ADCY9: variants seen among roughly 807,000 people sequenced by gnomAD.
ADCY9 encodes the protein adenylate cyclase type 9.
A neutral mutation model predicts 101.5 loss-of-function variants in ADCY9; 50 were observed. The ratio of observed to expected loss-of-function variants is 0.49; its 90% CI spans 0.39 to 0.62. The LOEUF (loss-of-function observed/expected upper bound fraction) is 0.62, where lower values mean the gene tolerates loss of function less well. Among genes scored for constraint, ADCY9 ranks in the 20% least tolerant of loss-of-function variants. The pLI is 0.00. For synonymous variants in ADCY9, 905 were observed against 769.3 expected (o/e 1.18, Z -2.92); for missense variants, 1,662 against 1,800.4 (o/e 0.92, Z 1.39).
At chr16:3,985,296 C>T (rs1012510050) in intron 6 of ADCY9, among the ~76,000 whole-genome samples, 14 of 152,094 alleles carry the variant, frequency 9.2e-5, no homozygotes, top group East Asian at 1.9e-4. Flanking sequence ...CCCGCCACCA[C>T]GCCCAGCTAA....
intron 3 of ADCY9, among the ~76,000 whole-genome samples, chr16:4,001,212 C>T (rs1453785025): frequency 6.6e-6 from 1 of 152,162 alleles, no homozygotes; most frequent in African/African-American, 2.4e-5. Flanking sequence ...CTGTTCGGGT[C>T]TCCTCTAGGT....
chr16:4,060,907 G>C (rs78106046), intron 2 of ADCY9, among the ~76,000 whole-genome samples: 4,749 of 152,162 alleles, frequency 0.031, 221 homozygotes, highest in African/African-American at 0.1. Context: ...ACTTAACAAA[G>C]ATTTCAAAGT....
intron 2 of ADCY9, among the ~76,000 whole-genome samples, chr16:4,009,653 C>T (rs1156868857): frequency 2.6e-5 from 4 of 152,194 alleles, no homozygotes; most frequent in Admixed American, 2.6e-4. Context: ...GGATCAATCA[C>T]GACTGTAACA....
At chr16:4,079,693 G>A (rs749348569) in intron 2 of ADCY9, among the ~76,000 whole-genome samples, 10 of 152,050 alleles carry the variant, frequency 6.6e-5, no homozygotes, top group Admixed American at 2.6e-4. Flanking sequence ...GGTGTTTAAT[G>A]GTGTTAATGG....
At position 4,114,010 on chromosome 16, in the gene ADCY9, T is replaced by C. The variant is rs1052960850; in HGVS notation, c.1433A>G (p.Gln478Arg). ...GMIKAIEQFC[Q>R]EKKEMVNMRV... ...CATGTTCACCATCTCCTTCTTCTCC[T>C]GGCAGAACTGCTCGATGGCCTTGAT... Residue 478 changes from glutamine (Q) to arginine (R), a missense_variant, in exon 2 of 11, where the codon CAG (glutamine) becomes CGG (arginine). Gln to Arg is a conservative substitution (Grantham distance 43). This residue lies in a region of ADCY9 where 228 missense variants were observed against 301.1 expected (regional missense o/e 0.76). Transcript: ENST00000294016. This position sits in a 1 kb window ranked among gnomAD's most constrained non-coding sequence, Gnocchi z 4.3. 2 of 1,613,872 alleles carry C rather than the reference T, an allele frequency of 1.2e-6. No homozygotes were observed. The highest frequency in any genetic ancestry group is 1.3e-5 in the African/African-American group (1 of 75,056).
chr16:4,097,392 G>C (rs995426174), intron 2 of ADCY9, among the ~76,000 whole-genome samples: 2 of 146,196 alleles, frequency 1.4e-5, no homozygotes, highest in African/African-American at 2.5e-5. Context: ...CTGGAGGCTT[G>C]TTCTGTGTAG....
intron 2 of ADCY9, among the ~76,000 whole-genome samples, chr16:4,019,318 C>T (rs909766356): frequency 2.6e-5 from 4 of 152,128 alleles, no homozygotes; most frequent in African/African-American, 9.7e-5. Context: ...TGTTGCTGCA[C>T]ATTCCATAAG....
At chr16:4,037,269 G>C (rs1008029988) in intron 2 of ADCY9, among the ~76,000 whole-genome samples, 33 of 152,148 alleles carry the variant, frequency 2.2e-4, no homozygotes, top group African/African-American at 8.0e-4. Context: ...AGTGAGCTAT[G>C]ATTGTGCCAC....
At chr16:4,025,437 C>A (rs2531963) in intron 2 of ADCY9, among the ~76,000 whole-genome samples, 1 of 151,528 alleles carries the variant, frequency 6.6e-6, no homozygotes, top group Non-Finnish European at 1.5e-5. Context: ...AGGCCACTAG[C>A]AAAGCCAGCC....
chr16:3,993,982 G>C (rs2056267969), intron 3 of ADCY9, among the ~76,000 whole-genome samples: 1 of 152,110 alleles, frequency 6.6e-6, no homozygotes, highest in Admixed American at 6.6e-5. Context: ...CGGGACCGGG[G>C]GCAGGAAGGG....
At chr16:4,004,034 A>G (rs1483527206) in intron 3 of ADCY9, among the ~76,000 whole-genome samples, 1 of 151,770 alleles carries the variant, frequency 6.6e-6, no homozygotes, top group African/African-American at 2.4e-5. Context: ...AGGCAGGAGG[A>G]TGGTATAACC....
chr16:4,024,354 TAATCA>T lies in ADCY9; in HGVS notation c.1694-16801_1694-16797del, dbSNP rs770313555. ...AAAACTTTTTAATTCAAACTAATGT[TAATCA>T]TATAGGAAAGTTACATATACGGTAC... On this transcript the variant is annotated intron_variant, in intron 2 of 10. Coordinates refer to ENST00000294016, the MANE Select transcript of ADCY9 (RefSeq NM_001116.4). Among the ~76,000 whole-genome samples the T allele has an allele frequency of 4.1e-3, 625 of 152,272 alleles. 1 individual carries two copies. The highest frequency in any genetic ancestry group is 6.7e-3 in the Non-Finnish European group (457 of 68,026).
chr16:3,979,730 TG>T (rs2056124908), intron 7 of ADCY9, among the ~76,000 whole-genome samples: 1 of 152,190 alleles, frequency 6.6e-6, no homozygotes, highest in African/African-American at 2.4e-5. Context: ...TGGCATCTGG[TG>T]GGCAGGCGCC....
intron 2 of ADCY9, among the ~76,000 whole-genome samples, chr16:4,058,093 AG>A (rs1245972062): frequency 6.7e-6 from 1 of 150,330 alleles, no homozygotes; most frequent in Non-Finnish European, 1.5e-5. Flanking sequence ...CAGGAGGTGG[AG>A]GTTGCAGTGA....
intron 2 of ADCY9, among the ~76,000 whole-genome samples, chr16:4,038,471 T>C (rs2056605057): frequency 6.6e-6 from 1 of 152,134 alleles, no homozygotes; most frequent in African/African-American, 2.4e-5. Flanking sequence ...AGACACCCAA[T>C]GCCAAGGCCT....
intron 2 of ADCY9, among the ~76,000 whole-genome samples, chr16:4,034,102 A>G (rs1183796279): frequency 6.6e-6 from 1 of 152,176 alleles, no homozygotes; most frequent in Non-Finnish European, 1.5e-5. Flanking sequence ...GTGAGCCTGC[A>G]GATCAGAGAC....
At chr16:3,988,954 A>T in intron 6 of ADCY9, 40 bp downstream of exon 6, 1 of 1,478,034 alleles carries the variant, frequency 6.8e-7, no homozygotes, top group Non-Finnish European at 9.5e-7. Flanking sequence ...AGAACAACAA[A>T]CACATTCTTT....
chr16:3,955,957 C>T lies in ADCY9; in HGVS notation c.568-2441G>A, dbSNP rs138721285. On this transcript the variant is annotated intron_variant, in intron 5 of 5. Transcript: ENST00000576936. The stretch of plus-strand genomic sequence containing the variant: ...TAGCTCACTGCAGCTTCACCTCCTG[C>T]GCTCAAGCGATCCTCCCAACGCAGC... Among the ~76,000 whole-genome samples the T allele has an allele frequency of 3.2e-4, 48 of 152,166 alleles. No individual in the cohort carries two copies. The East Asian group carries it at 3.9e-3, about 12-fold the overall frequency.
At chr16:4,027,222 G>GTACTTTCA (rs1308028543) in intron 2 of ADCY9, among the ~76,000 whole-genome samples, 2 of 152,212 alleles carry the variant, frequency 1.3e-5, no homozygotes, top group Non-Finnish European at 2.9e-5. Flanking sequence ...TCCGTGGAGT[G>GTACTTTCA]TACTTTCATT....
Sources: gnomAD v4.1 joint callset for allele counts (sites outside exome capture counted in the v4.1 genomes callset) on GRCh38, gnomAD v4.1.1 for gene constraint, gnomAD v4.1.1 regional missense constraint, Gnocchi (gnomAD v3.1) non-coding constraint, MANE v1.5 for transcripts, NCBI Gene and HGNC (gene_info 2026-07-23, HGNC 2026-07-21) for gene names.